Variants in SNAP25 observed in about 807,000 individuals in gnomAD.
SNAP25 encodes the protein synaptosomal-associated protein 25.
A neutral mutation model predicts 28.7 loss-of-function variants in SNAP25; 3 were observed. The observed-to-expected ratio is 0.10, with a 90% CI of 0.05 to 0.27. The LOEUF (loss-of-function observed/expected upper bound fraction) is 0.27. Ranked by LOEUF, SNAP25 falls within the 10% of genes least tolerant of loss-of-function variation. SNAP25 has a pLI of 1.00. For synonymous variants in SNAP25, 61 were observed against 88.1 expected (o/e 0.69, Z 1.72); for missense variants, 117 against 278.7 (o/e 0.42, Z 4.13).
chr20:10,250,002 G>T (rs1028632936), intron 1 of SNAP25, among the ~76,000 whole-genome samples: 26 of 152,108 alleles, frequency 1.7e-4, no homozygotes, highest in Non-Finnish European at 3.2e-4. Context: ...CTAGGGTGGA[G>T]CTCATGAATA....
At chr20:10,239,012 A>G (rs2062975009) in intron 1 of SNAP25, among the ~76,000 whole-genome samples, 1 of 152,174 alleles carries the variant, frequency 6.6e-6, no homozygotes, top group South Asian at 2.1e-4. Flanking sequence ...TCTCCATCCA[A>G]CACAGGCCAA....
intron 6 of SNAP25, 114 bp downstream of exon 6, chr20:10,297,164 C>T: frequency 1.6e-6 from 2 of 1,284,218 alleles, no homozygotes; most frequent in Non-Finnish European, 2.0e-6. Flanking sequence ...ATCTACATAC[C>T]TGCTAAGTGT....
At chr20:10,231,771 TAGAGCATTTCAGATTTC>T (rs1269856465) in intron 1 of SNAP25, among the ~76,000 whole-genome samples, 4 of 152,188 alleles carry the variant, frequency 2.6e-5, no homozygotes, top group Non-Finnish European at 5.9e-5. Flanking sequence ...AAATGCCTAT[TAGAGCATTTCAGATTTC>T]AGATTTTCAG....
intron 1 of SNAP25, among the ~76,000 whole-genome samples, chr20:10,274,327 T>C (rs532092713): frequency 1.8e-4 from 28 of 152,222 alleles, no homozygotes; most frequent in Middle Eastern, 6.8e-3. Context: ...TGATGATGAC[T>C]GAAATAGATG....
intron 1 of SNAP25, among the ~76,000 whole-genome samples, chr20:10,235,018 G>A (rs2062893051): frequency 6.6e-6 from 1 of 152,176 alleles, no homozygotes; most frequent in Admixed American, 6.5e-5. Flanking sequence ...CCTTGAACTG[G>A]ACCATGCCAC....
chr20:10,233,405 C>G (rs1370170080), intron 1 of SNAP25, among the ~76,000 whole-genome samples: 2 of 152,290 alleles, frequency 1.3e-5, no homozygotes, highest in South Asian at 4.1e-4. Flanking sequence ...TTCCTTGACC[C>G]AGCCAACCGT....
At chr20:10,225,922 G>T (rs1189340860) in intron 1 of SNAP25, among the ~76,000 whole-genome samples, 4 of 151,760 alleles carry the variant, frequency 2.6e-5, no homozygotes, top group Non-Finnish European at 5.9e-5. Flanking sequence ...CCCCCCTGAG[G>T]CCAGAGTTCA....
intron 7 of SNAP25, among the ~76,000 whole-genome samples, chr20:10,303,842 C>T (rs2064295632): frequency 6.6e-6 from 1 of 152,108 alleles, no homozygotes; most frequent in Non-Finnish European, 1.5e-5. Flanking sequence ...AAACATAACC[C>T]AAGCAGTAAA....
chr20:10,219,157 C>A (rs2062573408), intron 1 of SNAP25, 180 bp downstream of exon 1: 1 of 152,288 alleles, frequency 6.6e-6, no homozygotes. Flanking sequence ...AGGTGAGCTG[C>A]TGGGGAAAAG....
chr20:10,293,700 G>A lies in SNAP25; in HGVS notation c.281+422G>A, dbSNP rs2064047089. ...GTTTGATTTTTTCCAAAATAAAAGA[G>A]ACAGGTAATTTGGCCCAGGGAAGGA... On this transcript the variant is annotated intron_variant, in intron 5 of 7. Transcript: ENST00000254976. This position sits in a 1 kb window ranked among gnomAD's most constrained non-coding sequence, Gnocchi z 5.6. Among the ~76,000 whole-genome samples the A allele has an allele frequency of 6.6e-6, 1 of 152,198 alleles. No individual in the cohort carries two copies. Among genetic ancestry groups the A allele is most frequent in the South Asian group, 2.1e-4 (1 of 4,822 alleles).
chr20:10,268,568 A>G (rs1036133363), intron 1 of SNAP25, among the ~76,000 whole-genome samples: 3 of 152,184 alleles, frequency 2.0e-5, no homozygotes, highest in Non-Finnish European at 4.4e-5. Flanking sequence ...TATATCAAAA[A>G]GCACACCCTG....
At chr20:10,240,405 C>A (rs1183810011) in intron 1 of SNAP25, among the ~76,000 whole-genome samples, 1 of 152,180 alleles carries the variant, frequency 6.6e-6, no homozygotes, top group Admixed American at 6.5e-5. Context: ...ACGCAGGATC[C>A]ATTTACGTTT....
At chr20:10,253,405 A>G (rs1249334576) in intron 1 of SNAP25, among the ~76,000 whole-genome samples, 1 of 152,148 alleles carries the variant, frequency 6.6e-6, no homozygotes, top group Non-Finnish European at 1.5e-5. Flanking sequence ...GCCACTTACT[A>G]GCTATGTGAC....
intron 1 of SNAP25, among the ~76,000 whole-genome samples, chr20:10,245,710 A>T (rs2063115588): frequency 6.6e-6 from 1 of 152,146 alleles, no homozygotes; most frequent in Admixed American, 6.5e-5. Flanking sequence ...ACACACACAC[A>T]TACTGACAAT....
chr20:10,284,641 C>T, intron 3 of SNAP25, 83 bp from the exon 4 acceptor site: 1 of 1,042,074 alleles, frequency 9.6e-7, no homozygotes. Context: ...ATTTATAGGG[C>T]TAATTGTCCC....
intron 4 of SNAP25, among the ~76,000 whole-genome samples, chr20:10,288,015 G>T (rs867739998): frequency 2.6e-5 from 4 of 151,832 alleles, no homozygotes; most frequent in Non-Finnish European, 4.4e-5. Flanking sequence ...CTTGTGGGGT[G>T]GGGGGAGAGG....
At chr20:10,263,163 C>T (rs1054834962) in intron 1 of SNAP25, among the ~76,000 whole-genome samples, 1 of 151,914 alleles carries the variant, frequency 6.6e-6, no homozygotes, top group Non-Finnish European at 1.5e-5. Context: ...GAACTACAGG[C>T]GCCCGCCACC....
At chr20:10,275,750 T>C (rs889969259) in intron 2 of SNAP25, among the ~76,000 whole-genome samples, 187 bp downstream of exon 2, 1 of 152,246 alleles carries the variant, frequency 6.6e-6, no homozygotes, top group Admixed American at 6.5e-5. Flanking sequence ...AGAAGCTGCA[T>C]ACAAATTACT....
intron 1 of SNAP25, among the ~76,000 whole-genome samples, chr20:10,254,351 T>G (rs1173178765): frequency 6.6e-6 from 1 of 152,112 alleles, no homozygotes; most frequent in African/African-American, 2.4e-5. Flanking sequence ...CCATGGAGGA[T>G]GATGCTGATG....
Sources: gnomAD v4.1 joint callset for allele counts (sites outside exome capture counted in the v4.1 genomes callset) on GRCh38, gnomAD v4.1.1 for gene constraint, Gnocchi (gnomAD v3.1) non-coding constraint, MANE v1.5 for transcripts, NCBI Gene and HGNC (gene_info 2026-07-23, HGNC 2026-07-21) for gene names.